Variants in ASPH observed in about 807,000 individuals in gnomAD.
The protein encoded by ASPH is aspartyl/asparaginyl beta-hydroxylase.
A neutral mutation model predicts 118.4 loss-of-function variants in ASPH; 100 were observed. That is an observed-to-expected ratio of 0.84 (90% CI 0.72 to 1.00). The LOEUF (loss-of-function observed/expected upper bound fraction) is 1.00. Ranked by LOEUF, ASPH falls within the 50% of genes least tolerant of loss-of-function variation. ASPH has a pLI of 0.00. For synonymous variants in ASPH, 315 were observed against 325.6 expected (o/e 0.97, Z 0.35); for missense variants, 920 against 919.5 (o/e 1.00, Z -0.01).
chr8:61,572,677 A>C (rs1833820452), intron 16 of ASPH, among the ~76,000 whole-genome samples: 1 of 152,130 alleles, frequency 6.6e-6, no homozygotes, highest in Non-Finnish European at 1.5e-5. Context: ...ACGCAGTCCA[A>C]GCCACCAGCA....
chr8:61,510,930 G>GT (rs1370300191), intron 24 of ASPH, among the ~76,000 whole-genome samples: 1 of 152,030 alleles, frequency 6.6e-6, no homozygotes, highest in Non-Finnish European at 1.5e-5. Context: ...AGGGAGAATA[G>GT]TAAAAAAAGG....
In ASPH at chr8:61,653,674, T is replaced by C; in HGVS notation, c.323-14A>G. The stretch of plus-strand genomic sequence containing the variant: ...TCTCTTTAAGTCCTGCATTTTTTTA[T>C]TCACAAAGTTAACTTGAGTTTTTGT... On this transcript the variant is annotated splice_polypyrimidine_tract_variant and intron_variant, in intron 3 of 24. Coordinates refer to ENST00000379454, the MANE Select transcript of ASPH (RefSeq NM_004318.4). 1 of 1,610,880 alleles carries C rather than the reference T, an allele frequency of 6.2e-7. No individual in the cohort carries two copies. The highest frequency in any genetic ancestry group is 8.5e-7 in the Non-Finnish European group (1 of 1,179,052).
At chr8:61,577,421 A>AAG (rs1835664644) in intron 15 of ASPH, among the ~76,000 whole-genome samples, 1 of 148,380 alleles carries the variant, frequency 6.7e-6, no homozygotes, top group African/African-American at 2.5e-5. Context: ...AAAAAAAAAA[A>AAG]AAGACAAGAC....
chr8:61,661,825 C>T (rs1817062401), intron 3 of ASPH: 1 of 390,740 alleles, frequency 2.6e-6, no homozygotes, highest in African/African-American at 2.1e-5. Flanking sequence ...TTAAGTAGTC[C>T]TCTGGATTAA....
At chr8:61,661,708 T>C (rs749303307) in intron 3 of ASPH, 14 of 331,816 alleles carry the variant, frequency 4.2e-5, no homozygotes, top group Non-Finnish European at 7.7e-5. Flanking sequence ...TGGGGAATCT[T>C]TATTATCCAA....
intron 3 of ASPH, chr8:61,664,358 A>C: frequency 4.1e-6 from 4 of 974,696 alleles, no homozygotes; most frequent in Non-Finnish European, 4.9e-6. Flanking sequence ...ATGAAAGTAC[A>C]TTCTAATCTG....
chr8:61,665,276 C>T, intron 3 of ASPH: 2 of 1,602,432 alleles, frequency 1.2e-6, no homozygotes, highest in Non-Finnish European at 8.5e-7. Context: ...CTGGGTATTT[C>T]CCTTTGTTAA....
intron 1 of ASPH, among the ~76,000 whole-genome samples, chr8:61,692,046 C>A (rs889888662): frequency 2.0e-5 from 3 of 152,210 alleles, no homozygotes; most frequent in Non-Finnish European, 2.9e-5. Flanking sequence ...AAGACTTCTT[C>A]AACACAGCTC....
At chr8:61,558,340 A>G (rs1457146997) in intron 18 of ASPH, among the ~76,000 whole-genome samples, 2 of 152,174 alleles carry the variant, frequency 1.3e-5, no homozygotes, top group African/African-American at 4.8e-5. Flanking sequence ...TTAGAAAGTG[A>G]GTAGAAAGGG....
At chr8:61,575,382 G>A (rs1264045184) in intron 16 of ASPH, among the ~76,000 whole-genome samples, 9 of 151,932 alleles carry the variant, frequency 5.9e-5, no homozygotes, top group African/African-American at 1.7e-4. Flanking sequence ...TTCATACCAC[G>A]TCGACCCCCT....
At chr8:61,529,610 T>G (rs1021581137) in intron 21 of ASPH, among the ~76,000 whole-genome samples, 3 of 152,212 alleles carry the variant, frequency 2.0e-5, no homozygotes, top group African/African-American at 4.8e-5. Flanking sequence ...AATATTCACA[T>G]GGTTAGAGGA....
At chr8:61,599,555 C>A (rs1344859935) in intron 14 of ASPH, among the ~76,000 whole-genome samples, 2 of 144,582 alleles carry the variant, frequency 1.4e-5, no homozygotes, top group African/African-American at 5.1e-5. Context: ...GGAGAGAAGA[C>A]CCAAATAAAT....
intron 3 of ASPH, among the ~76,000 whole-genome samples, chr8:61,672,979 A>AT (rs1460754507): frequency 1.3e-5 from 2 of 152,246 alleles, no homozygotes; most frequent in Admixed American, 1.3e-4. Context: ...AAGTGACCAA[A>AT]TTAAGAATAA....
intron 14 of ASPH, among the ~76,000 whole-genome samples, chr8:61,615,376 C>T (rs1181094110): frequency 6.6e-6 from 1 of 152,152 alleles, no homozygotes; most frequent in African/African-American, 2.4e-5. Context: ...GTTTTCCTTT[C>T]CTGTCTTATA....
At chr8:61,598,337 A>T (rs1339123885) in intron 14 of ASPH, among the ~76,000 whole-genome samples, 1 of 152,212 alleles carries the variant, frequency 6.6e-6, no homozygotes, top group Non-Finnish European at 1.5e-5. Flanking sequence ...ATACAAACCA[A>T]AAGTGAGCAG....
At chr8:61,570,057 G>A (rs1174817244) in intron 16 of ASPH, among the ~76,000 whole-genome samples, 1 of 152,090 alleles carries the variant, frequency 6.6e-6, no homozygotes, top group South Asian at 2.1e-4. Context: ...ACTTTCGACG[G>A]GTTTACACCT....
intron 6 of ASPH, among the ~76,000 whole-genome samples, chr8:61,646,174 T>C (rs1401292691): frequency 6.6e-6 from 1 of 152,162 alleles, no homozygotes; most frequent in Non-Finnish European, 1.5e-5. Context: ...TTGGGTAGGA[T>C]TTTACAAATA....
At chr8:61,693,180 G>A (rs1833075547) in intron 1 of ASPH, among the ~76,000 whole-genome samples, 1 of 152,064 alleles carries the variant, frequency 6.6e-6, no homozygotes, top group African/African-American at 2.4e-5. Context: ...AGCTAGACAG[G>A]TGCTTTTTGC....
intron 22 of ASPH, among the ~76,000 whole-genome samples, chr8:61,525,062 T>A (rs1010692942): frequency 6.6e-6 from 1 of 152,190 alleles, no homozygotes; most frequent in African/African-American, 2.4e-5. Flanking sequence ...CTGAAAACAT[T>A]ACTAAAGTAG....
Sources: gnomAD v4.1 joint callset for allele counts (sites outside exome capture counted in the v4.1 genomes callset) on GRCh38, gnomAD v4.1.1 for gene constraint, MANE v1.5 for transcripts, NCBI Gene and HGNC (gene_info 2026-07-23, HGNC 2026-07-21) for gene names.